Variants in FER observed in about 807,000 individuals in gnomAD.
FER encodes the protein tyrosine-protein kinase Fer.
A neutral mutation model predicts 111.0 loss-of-function variants in FER; 63 were observed. That is an observed-to-expected ratio of 0.57 (90% CI 0.46 to 0.70). The LOEUF is 0.70. FER is among the 30% of genes least tolerant of loss of function. The pLI, the probability that FER is intolerant of heterozygous loss-of-function variation, is 0.00. For synonymous variants in FER, 327 were observed against 313.9 expected, an observed-to-expected ratio of 1.04 and a Z score of -0.44; for missense variants, 914 against 954.0, an observed-to-expected ratio of 0.96 and a Z score of 0.55.
chr5:109,190,482 C>T lies in FER; in HGVS notation c.*2907C>T, dbSNP rs1759305536. 1 of 152,062 alleles carries T rather than the reference C, an allele frequency of 6.6e-6. No individual in the cohort carries two copies. Among genetic ancestry groups the T allele is most frequent in the South Asian group, 2.1e-4 (1 of 4,828 alleles). 9.4% of individuals were successfully genotyped at this position (152,062 alleles called of 1,614,324 possible). On this transcript the variant is annotated 3_prime_UTR_variant, in exon 20 of 20. Transcript: ENST00000281092. ...TGGTCACTAAGGGGCCTTTATGAGA[C>T]AGTTTAGGTTGTTCATCATTTCACA...
chr5:109,186,163 G>T, intron 18 of FER, 37 bp from the exon 19 acceptor site: 1 of 1,613,984 alleles, frequency 6.2e-7, no homozygotes, highest in Non-Finnish European at 8.5e-7. Flanking sequence ...CTTGTCTACT[G>T]TGCCTCATGT....
intron 10 of FER, among the ~76,000 whole-genome samples, chr5:108,925,554 CTT>C (rs1403290066): frequency 1.3e-5 from 2 of 152,076 alleles, no homozygotes; most frequent in East Asian, 1.9e-4. Flanking sequence ...CCTGCATTCT[CTT>C]GAGTCCCTTA....
intron 10 of FER, among the ~76,000 whole-genome samples, chr5:108,945,092 A>G (rs866169146): frequency 6.6e-6 from 1 of 152,306 alleles, no homozygotes; most frequent in African/African-American, 2.4e-5. Flanking sequence ...TTACAGAGAT[A>G]TACCCTAGGT....
chr5:108,937,051 T>G (rs1307442626), intron 10 of FER, among the ~76,000 whole-genome samples: 1 of 152,048 alleles, frequency 6.6e-6, no homozygotes, highest in East Asian at 1.9e-4. Flanking sequence ...CATTTGAGGT[T>G]TCTTAGCACA....
chr5:108,990,581 G>A (rs1275437980), intron 13 of FER, among the ~76,000 whole-genome samples: 1 of 151,198 alleles, frequency 6.6e-6, no homozygotes, highest in Non-Finnish European at 1.5e-5. Context: ...ATTGATGAGA[G>A]GATAACAGAA....
chr5:108,909,366 G>A (rs1751234365), intron 10 of FER, among the ~76,000 whole-genome samples: 1 of 151,930 alleles, frequency 6.6e-6, no homozygotes, highest in African/African-American at 2.4e-5. Context: ...GGTTTACTTC[G>A]CAAATCACAG....
At chr5:108,753,402 C>T (rs1022694579) in intron 1 of FER, among the ~76,000 whole-genome samples, 5 of 152,020 alleles carry the variant, frequency 3.3e-5, no homozygotes, top group African/African-American at 1.2e-4. Context: ...TGTATCTCAG[C>T]AGGGATAATT....
In FER at chr5:108,969,831, A is replaced by G. The variant is rs971246864; in HGVS notation, c.1656+10484A>G. Among the ~76,000 whole-genome samples, 2 of 148,282 alleles carry G rather than the reference A, an allele frequency of 1.3e-5. 1 individual carries two copies. The highest frequency in any genetic ancestry group is 5.3e-5 in the African/African-American group (2 of 37,656). On this transcript the variant is annotated intron_variant, in intron 13 of 19. Transcript: ENST00000281092. Reference sequence around the variant, plus strand: ...TTATCTGATTTTTATTAAATAAAGTATAGATATCCAAATACATGGAAAAAG... The same window carrying G: ...TTATCTGATTTTTATTAAATAAAGTGTAGATATCCAAATACATGGAAAAAG...
chr5:109,038,100 G>A (rs1486012009), intron 14 of FER, among the ~76,000 whole-genome samples: 1 of 151,832 alleles, frequency 6.6e-6, no homozygotes, highest in Non-Finnish European at 1.5e-5. Context: ...CCGTAGTCAA[G>A]TATATGTTAT....
At chr5:108,957,279 A>G (rs188594189) in intron 12 of FER, among the ~76,000 whole-genome samples, 26 of 151,828 alleles carry the variant, frequency 1.7e-4, no homozygotes, top group African/African-American at 6.0e-4. Flanking sequence ...ATTGAATACA[A>G]CATTTAATAC....
At chr5:108,974,536 T>C (rs980313967) in intron 13 of FER, among the ~76,000 whole-genome samples, 7 of 152,174 alleles carry the variant, frequency 4.6e-5, no homozygotes, top group African/African-American at 1.7e-4. Flanking sequence ...GATAGAATAA[T>C]GGCTCCCCAA....
At chr5:109,175,334 AATT>A (rs1301423187) in intron 17 of FER, among the ~76,000 whole-genome samples, 1 of 152,222 alleles carries the variant, frequency 6.6e-6, no homozygotes, top group Non-Finnish European at 1.5e-5. Flanking sequence ...TTGTAGGTAC[AATT>A]ATTATCCCCA....
At chr5:108,951,231 T>C (rs1010044644) in intron 11 of FER, among the ~76,000 whole-genome samples, 6 of 151,964 alleles carry the variant, frequency 3.9e-5, no homozygotes, top group African/African-American at 1.4e-4. Flanking sequence ...GCCATTGGAC[T>C]CCAGCCTGGG....
chr5:108,804,010 G>A (rs1483849856), intron 3 of FER, among the ~76,000 whole-genome samples: 1 of 152,140 alleles, frequency 6.6e-6, no homozygotes, highest in Non-Finnish European at 1.5e-5. Context: ...ATTTCTTTCA[G>A]CAGTGTCTTG....
At chr5:108,768,746 C>G (rs1303641582) in intron 2 of FER, among the ~76,000 whole-genome samples, 1 of 152,048 alleles carries the variant, frequency 6.6e-6, no homozygotes, top group Non-Finnish European at 1.5e-5. Context: ...ACTGGATGTT[C>G]CATCCTTATT....
intron 13 of FER, among the ~76,000 whole-genome samples, chr5:108,967,779 A>AAAAAAAAAAAAAAAT (rs1760080338): frequency 6.6e-6 from 1 of 151,498 alleles, no homozygotes; most frequent in Non-Finnish European, 1.5e-5. Flanking sequence ...AAAAAAAAAA[A>AAAAAAAAAAAAAAAT]AAAACAATTA....
At chr5:109,117,485 T>A (rs1198984688) in intron 17 of FER, among the ~76,000 whole-genome samples, 1 of 152,178 alleles carries the variant, frequency 6.6e-6, no homozygotes, top group Non-Finnish European at 1.5e-5. Context: ...ATAAGATTTG[T>A]ATGCCTAAAT....
intron 16 of FER, among the ~76,000 whole-genome samples, chr5:109,079,701 G>A (rs1676938443): frequency 6.6e-6 from 1 of 152,004 alleles, no homozygotes; most frequent in South Asian, 2.1e-4. Context: ...TGATACCCAG[G>A]AAAGGTTATG....
chr5:108,791,555 ATG>A (rs764626056), intron 2 of FER, among the ~76,000 whole-genome samples: 1 of 144,180 alleles, frequency 6.9e-6, no homozygotes, highest in African/African-American at 2.6e-5. Context: ...ACACACACAT[ATG>A]TGTATATACA....
Sources: allele counts gnomAD v4.1 joint callset (sites outside exome capture counted in the v4.1 genomes callset), GRCh38; gene constraint gnomAD v4.1.1; transcripts MANE v1.5; gene names NCBI Gene and HGNC (gene_info 2026-07-23, HGNC 2026-07-21).